ZNF410: variants seen among roughly 807,000 people sequenced by gnomAD.
ZNF410 encodes the protein zinc finger protein 410.
ZNF410 carries 18 observed loss-of-function variants against 54.8 expected under a neutral mutation model. The observed-to-expected ratio is 0.33, with a 90% CI of 0.23 to 0.49. ZNF410 has a LOEUF of 0.49. ZNF410 is among the 20% of genes least tolerant of loss of function. The probability of loss-of-function intolerance (pLI) is 0.99; values close to 1 mark genes in which losing one functional copy is unlikely to be tolerated. For missense variants in ZNF410, 405 were observed against 569.6 expected, an observed-to-expected ratio of 0.71 and a Z score of 2.94; for synonymous variants, 191 against 207.3, an observed-to-expected ratio of 0.92 and a Z score of 0.68.
chr14:73,904,401 G>T (rs2055451028), intron 6 of ZNF410, among the ~76,000 whole-genome samples: 1 of 152,084 alleles, frequency 6.6e-6, no homozygotes, highest in Non-Finnish European at 1.5e-5. Flanking sequence ...ATAAGCATGG[G>T]CTCCTACCTT....
intron 8 of ZNF410, among the ~76,000 whole-genome samples, chr14:73,919,886 GTTTTTTTTTT>G (rs1158550117): frequency 3.2e-5 from 2 of 62,028 alleles, no homozygotes; most frequent in East Asian, 5.2e-4. Context: ...TATTGTATAG[GTTTTTTTTTT>G]TTTTTTTTTT....
At chr14:73,897,356 TA>T (rs2055333005) in intron 4 of ZNF410, among the ~76,000 whole-genome samples, 1 of 152,212 alleles carries the variant, frequency 6.6e-6, no homozygotes, top group Non-Finnish European at 1.5e-5. Flanking sequence ...TGGGGTTTTC[TA>T]ATTCTTTTTA....
chr14:73,925,019 C>G (rs941329358), intron 11 of ZNF410, among the ~76,000 whole-genome samples: 2 of 152,214 alleles, frequency 1.3e-5, no homozygotes, highest in Admixed American at 6.5e-5. Flanking sequence ...TAAGCTGTTG[C>G]ATCATTCAAA....
chr14:73,898,332 T>G lies in ZNF410; in HGVS notation c.580+70T>G, dbSNP rs1265554280. The G allele has an allele frequency of 4.7e-6, 7 of 1,474,126 alleles. No homozygotes were observed. The African/African-American group carries it at 8.4e-5, about 18-fold the overall frequency. The allele number at this position is 1,474,126 out of a possible 1,614,324, so 91.3% of individuals were successfully genotyped here. On this transcript the variant is annotated intron_variant, in intron 5 of 11. Coordinates refer to ENST00000555044, the MANE Select transcript of ZNF410 (RefSeq NM_021188.3). ...GATTTTGGTAATGCAGTGGCTGGTT[T>G]GAGTTGTATATAATTTAAATTATTC...
chr14:73,905,757 T>C (rs1039154928), intron 7 of ZNF410: 1 of 123,438 alleles, frequency 8.1e-6, no homozygotes, highest in African/African-American at 2.9e-5. Context: ...CCCCACTTAC[T>C]TGCCACTTTG....
At chr14:73,896,260 T>G in intron 3 of ZNF410, 56 bp from the exon 4 acceptor site, 1 of 1,341,948 alleles carries the variant, frequency 7.5e-7, no homozygotes, top group Non-Finnish European at 1.1e-6. Flanking sequence ...TGTATCAAAA[T>G]GGTGGGCTCC....
chr14:73,898,483 T>C lies in ZNF410; in HGVS notation c.580+221T>C, dbSNP rs989088212. On this transcript the variant is annotated intron_variant, in intron 5 of 11. Transcript: ENST00000555044. ...ATTCTGAATTCTCAACTTTAAATAA[T>C]GTACAGAGCCCCTTTTAAAGAAAAA... The C allele has an allele frequency of 5.1e-6, 3 of 583,054 alleles. No homozygotes were observed. In the African/African-American group the frequency reaches 5.6e-5, roughly 11 times the overall value. The allele number at this position is 583,054 out of a possible 1,614,324, so 36.1% of individuals were successfully genotyped here. A position where few individuals can be genotyped will look rare whatever the true frequency, so the allele number is the denominator to read the frequency against.
intron 11 of ZNF410, among the ~76,000 whole-genome samples, chr14:73,928,773 G>A (rs536549717): frequency 6.6e-6 from 1 of 152,154 alleles, no homozygotes; most frequent in South Asian, 2.1e-4. Context: ...GCAAGATCCT[G>A]TCTCTACAAA....
chr14:73,904,463 T>C (rs2240632), intron 6 of ZNF410, among the ~76,000 whole-genome samples: 23,368 of 152,016 alleles, frequency 0.15, 2,363 homozygotes, highest in East Asian at 0.49. Context: ...TAGTTTTTTG[T>C]TTGATTTTTT....
chr14:73,930,041 C>T (rs964396935), intron 11 of ZNF410, among the ~76,000 whole-genome samples: 1 of 152,164 alleles, frequency 6.6e-6, no homozygotes, highest in Non-Finnish European at 1.5e-5. Flanking sequence ...AGTTCACATT[C>T]TTGAACTCAA....
chr14:73,925,727 C>T (rs187772981), intron 11 of ZNF410, among the ~76,000 whole-genome samples: 1 of 152,126 alleles, frequency 6.6e-6, no homozygotes, highest in Non-Finnish European at 1.5e-5. Context: ...CGCACTTGGC[C>T]CTAACTTTGA....
At chr14:73,893,613 A>G in intron 2 of ZNF410, 184 bp from the exon 3 acceptor site, 1 of 607,758 alleles carries the variant, frequency 1.6e-6, no homozygotes, top group Non-Finnish European at 2.5e-6. Context: ...ATGACTTTAT[A>G]TAAATCAGCT....
intron 11 of ZNF410, among the ~76,000 whole-genome samples, chr14:73,929,310 C>G (rs1475288976): frequency 6.6e-6 from 1 of 152,096 alleles, no homozygotes; most frequent in East Asian, 1.9e-4. Context: ...TAGGCCTCTT[C>G]CTCATCCAAG....
chr14:73,898,065 T>C lies in ZNF410; in HGVS notation c.389-6T>C. The C allele has an allele frequency of 8.7e-6, 14 of 1,606,014 alleles. No individual in the cohort carries two copies. The highest frequency in any genetic ancestry group is 1.1e-5 in the Non-Finnish European group (13 of 1,174,828). On this transcript the variant is annotated splice_polypyrimidine_tract_variant and splice_region_variant and intron_variant, in intron 4 of 11. Coordinates refer to ENST00000555044, the MANE Select transcript of ZNF410 (RefSeq NM_021188.3). ...TCTAACTTTTCATATATTTTGTTTC[T>C]TCCAGGTCTGGGCTCTTCAGCTGAG...
intron 8 of ZNF410, among the ~76,000 whole-genome samples, chr14:73,918,143 C>T (rs1445774964): frequency 2.0e-5 from 3 of 152,158 alleles, no homozygotes; most frequent in Non-Finnish European, 2.9e-5. Flanking sequence ...GAGTCTCGCT[C>T]TGTTGCCCAG....
At position 73,928,574 on chromosome 14, in the gene ZNF410, T is replaced by C. The variant is rs188159646; in HGVS notation, c.1399-2929T>C. On this transcript the variant is annotated intron_variant, in intron 11 of 11. Coordinates refer to ENST00000555044, the MANE Select transcript of ZNF410 (RefSeq NM_021188.3). Reference sequence around the variant, plus strand: ...TAGAACCTAGGCACAAGTCTTGGAATTGGCCTCAGAGCATCCATGTATAAT... The same window carrying C: ...TAGAACCTAGGCACAAGTCTTGGAACTGGCCTCAGAGCATCCATGTATAAT... Among the ~76,000 whole-genome samples the C allele has an allele frequency of 5.5e-3, 841 of 152,274 alleles. 8 individuals are homozygous for C. Among genetic ancestry groups the C allele is most frequent in the Non-Finnish European group, 8.4e-3 (574 of 68,030 alleles).
Position 73,931,510 on chromosome 14 carries a change from A to C in ZNF410, c.1406A>C (p.Asn469Thr). The C allele has an allele frequency of 6.2e-7, 1 of 1,606,412 alleles. No individual in the cohort carries two copies. The highest frequency in any genetic ancestry group is 1.1e-5 in the South Asian group (1 of 89,314). Residue 469 changes from asparagine to threonine, a missense_variant, in exon 12 of 12, where the codon AAC (asparagine) becomes ACC (threonine). By Grantham distance (65) the Asn-to-Thr change is moderately conservative (BLOSUM62 0). This residue lies in a region of ZNF410 where 127 missense variants were observed against 141.3 expected (regional missense o/e 0.90). Coordinates refer to ENST00000555044, the MANE Select transcript of ZNF410 (RefSeq NM_021188.3). ...LTAVNPQELLNQGDLTERRT is the reference protein window; with the variant it reads ...LTAVNPQELLTQGDLTERRT ...GCTTTCAATCTTTTACAGTTACTAA[A>C]CCAAGGAGATTTAACTGAAAGACGG...
chr14:73,888,568 A>G (rs112501719), intron 1 of ZNF410, among the ~76,000 whole-genome samples: 57 of 152,252 alleles, frequency 3.7e-4, no homozygotes, highest in African/African-American at 1.3e-3. Context: ...ACAACTCTGA[A>G]TGAACTAAAG....
At chr14:73,889,294 C>T (rs889440561) in intron 1 of ZNF410, among the ~76,000 whole-genome samples, 3 of 152,052 alleles carry the variant, frequency 2.0e-5, no homozygotes, top group African/African-American at 7.2e-5. Flanking sequence ...CCTACTCAGC[C>T]TCCCTAGTAG....
Sources: gnomAD v4.1 joint callset for allele counts (sites outside exome capture counted in the v4.1 genomes callset) on GRCh38, gnomAD v4.1.1 for gene constraint, gnomAD v4.1.1 regional missense constraint, MANE v1.5 for transcripts, NCBI Gene and HGNC (gene_info 2026-07-23, HGNC 2026-07-21) for gene names.